Variants in IPP observed in about 807,000 individuals in gnomAD.
IPP encodes intracisternal A particle-promoted polypeptide, also known as actin-binding protein IPP.
Under a neutral mutation model 64.1 loss-of-function variants are expected in IPP, and 41 were observed. That is an observed-to-expected ratio of 0.64 (90% confidence interval 0.50 to 0.83). The LOEUF (loss-of-function observed/expected upper bound fraction) is 0.83, where lower values mean the gene tolerates loss of function less well. Ranked by LOEUF, IPP falls within the 40% of genes least tolerant of loss-of-function variation. The pLI is 0.00. For missense variants in IPP, 649 were observed against 703.0 expected (o/e 0.92, Z 0.87); for synonymous variants, 214 against 235.2 (o/e 0.91, Z 0.83).
rs184273635 is a variant in IPP at position 45,742,755 on chromosome 1, C to A, written c.293-1423G>T. Reference sequence around the variant, plus strand: ...GTTTTGCCGCATTGCCCAGGCTGATCTCAAACTCCTGGGCTCAAGCAATCC... The same window carrying A: ...GTTTTGCCGCATTGCCCAGGCTGATATCAAACTCCTGGGCTCAAGCAATCC... On this transcript the variant is annotated intron_variant, in intron 2 of 8. Transcript: ENST00000396478. Among the ~76,000 whole-genome samples, 4 of 151,964 alleles carry A rather than the reference C, an allele frequency of 2.6e-5. No individual in the cohort carries two copies. The East Asian group carries it at 7.7e-4, about 29-fold the overall frequency.
intron 3 of IPP, among the ~76,000 whole-genome samples, chr1:45,734,941 A>G (rs563595446): frequency 6.6e-6 from 1 of 152,252 alleles, no homozygotes; most frequent in African/African-American, 2.4e-5. Flanking sequence ...CACCACACCC[A>G]GCTAATTTTT....
chr1:45,749,583 C>T (rs1486151594), intron 1 of IPP, among the ~76,000 whole-genome samples: 3 of 145,930 alleles, frequency 2.1e-5, no homozygotes, highest in Admixed American at 1.4e-4. Context: ...TGCAGTGGCA[C>T]GATCTCGGCT....
intron 3 of IPP, among the ~76,000 whole-genome samples, chr1:45,738,785 A>G (rs1023810074): frequency 7.1e-6 from 1 of 141,792 alleles, no homozygotes; most frequent in South Asian, 2.3e-4. Context: ...GCTTGCAGTG[A>G]GCCGAGATTG....
In IPP at chr1:45,710,224, T is replaced by TA. The variant is rs1209349898; in HGVS notation, c.1530+4021dup. Among the ~76,000 whole-genome samples the TA allele has an allele frequency of 1.6e-3, 99 of 63,706 alleles. 1 individual carries two copies. The highest frequency in any genetic ancestry group is 3.5e-3 in the African/African-American group (56 of 15,794). The allele number at this position is 63,706 out of a possible 152,430, so 41.8% of individuals were successfully genotyped here. ...TGGCGAAAGAGAGCAAGACTCTGTC[T>TA]AAAAAAAAAAAAAAAAAGAGAGAAG... On this transcript the variant is annotated intron_variant, in intron 8 of 8. Transcript: ENST00000396478.
In IPP at chr1:45,747,689, G is replaced by A. The variant is rs147251418; in HGVS notation, c.-50-1228C>T. ...CTAAAAATATAAAAATTAGCCAGGCGTGGTGGATCAGGGCTATAATCCCAG... is the reference window on the plus strand; with the variant it reads ...CTAAAAATATAAAAATTAGCCAGGCATGGTGGATCAGGGCTATAATCCCAG... On this transcript the variant is annotated intron_variant, in intron 1 of 8. Coordinates refer to ENST00000396478, the MANE Select transcript of IPP (RefSeq NM_005897.3). Among the ~76,000 whole-genome samples the A allele has an allele frequency of 1.4e-3, 220 of 151,848 alleles. 1 individual carries two copies. The highest frequency in any genetic ancestry group is 0.01 in the Middle Eastern group (3 of 294).
intron 2 of IPP, among the ~76,000 whole-genome samples, chr1:45,745,068 A>T (rs902462833): frequency 5.3e-5 from 8 of 151,642 alleles, no homozygotes; most frequent in Non-Finnish European, 8.8e-5. Context: ...CTCAAACAAA[A>T]TTTTTTTTGT....
At position 45,746,374 on chromosome 1, in the gene IPP, G is replaced by C; in HGVS notation, c.38C>G (p.Pro13Arg). 1 of 1,613,788 alleles carries C rather than the reference G, an allele frequency of 6.2e-7. No individual in the cohort carries two copies. Among genetic ancestry groups the C allele is most frequent in the Non-Finnish European group, 8.5e-7 (1 of 1,179,720 alleles). The change falls in exon 2 of 9, where the codon CCT becomes CGT. Residue 13 changes from proline to arginine, a missense_variant. Coordinates refer to ENST00000396478, the MANE Select transcript of IPP (RefSeq NM_005897.3). ...TTGGGCATGTTTATCTGATGAAAAAGGACTATCAGCAGCCTTGGGACAGTC... is the reference window on the plus strand; with the variant it reads ...TTGGGCATGTTTATCTGATGAAAAACGACTATCAGCAGCCTTGGGACAGTC... ...NEDCPKAADS[P>R]FSSDKHAQLI...
Position 45,719,246 on chromosome 1 carries a change from G to A in IPP, c.1143C>T (p.Cys381=), listed in dbSNP as rs748855020. 16 of 1,613,592 alleles carry A rather than the reference G, an allele frequency of 9.9e-6. No individual in the cohort carries two copies. Among genetic ancestry groups the A allele is most frequent in the South Asian group, 3.3e-5 (3 of 91,052 alleles). Residue 381 remains cysteine, a synonymous_variant, in exon 6 of 9, where the codon TGC becomes TGT. Transcript: ENST00000396478. ...CATAACACACACACACTCCTAAGCCGCAGCGGGGATGATTCATCGAAGCTA... is the reference window on the plus strand; with the variant it reads ...CATAACACACACACACTCCTAAGCCACAGCGGGGATGATTCATCGAAGCTA... The part of the protein sequence containing the change: ...TTVASMNHPR[C]GLGVCVCYGA...
rs1645422404 is a variant in IPP at position 45,699,798 on chromosome 1, G to A, written c.*168C>T. On this transcript the variant is annotated 3_prime_UTR_variant, in exon 9 of 9. Transcript: ENST00000396478. ...CTGCCTCAGCCTTCCAAAGTGCTGG[G>A]ATTATAGGCATGAGGCCACTGCGCC... is the stretch of plus-strand genomic sequence containing the variant. 2.8e-6 allele frequency: 4 copies of A among 1,425,274 alleles called. No homozygotes were observed. The highest frequency in any genetic ancestry group is 3.7e-6 in the Non-Finnish European group (4 of 1,091,504). The allele number at this position is 1,425,274 out of a possible 1,614,324, so 88.3% of individuals were successfully genotyped here.
intron 4 of IPP, 94 bp from the exon 5 acceptor site, chr1:45,727,892 G>A (rs748170824): frequency 2.7e-5 from 25 of 937,124 alleles, no homozygotes; most frequent in Non-Finnish European, 3.1e-5. Flanking sequence ...AAATGGTTTA[G>A]AAATTACTTT....
downstream of IPP, chr1:45,697,805 A>C (rs9429173): frequency 0.2 from 29,406 of 150,610 alleles, 3,229 homozygotes; most frequent in Non-Finnish European, 0.25. Flanking sequence ...AAAGATACAA[A>C]AAATTAGCCA....
chr1:45,728,456 ATATAT>A (rs1246965861), intron 4 of IPP, among the ~76,000 whole-genome samples: 1 of 151,878 alleles, frequency 6.6e-6, no homozygotes, highest in African/African-American at 2.4e-5. Flanking sequence ...TCAATATGCT[ATATAT>A]TATATGTATT....
intron 8 of IPP, 116 bp from the exon 9 acceptor site, chr1:45,700,306 A>G: frequency 3.7e-6 from 5 of 1,368,716 alleles, no homozygotes; most frequent in Non-Finnish European, 4.8e-6. Flanking sequence ...AAAACTATCT[A>G]GTCAGGTAAG....
intron 2 of IPP, among the ~76,000 whole-genome samples, chr1:45,745,360 T>G (rs894969573): frequency 5.9e-5 from 9 of 152,202 alleles, no homozygotes; most frequent in Admixed American, 1.3e-4. Context: ...ACATATAAGT[T>G]TTTTTGGGTT....
chr1:45,711,658 G>A (rs931410535), intron 8 of IPP, among the ~76,000 whole-genome samples: 2 of 151,672 alleles, frequency 1.3e-5, no homozygotes, highest in Non-Finnish European at 2.9e-5. Flanking sequence ...GGTGGTTGAG[G>A]CACAAGAATC....
intron 5 of IPP, among the ~76,000 whole-genome samples, chr1:45,722,464 G>A (rs1645746517): frequency 6.6e-6 from 1 of 152,042 alleles, no homozygotes; most frequent in Non-Finnish European, 1.5e-5. Flanking sequence ...GGCATCACTT[G>A]AATCCAGGAG....
intron 6 of IPP, among the ~76,000 whole-genome samples, chr1:45,718,602 C>T (rs1054178191): frequency 6.6e-6 from 1 of 152,150 alleles, no homozygotes; most frequent in Non-Finnish European, 1.5e-5. Context: ...CCCCCACCTA[C>T]ACCTTCCCCT....
chr1:45,714,472 A>T lies in IPP; in HGVS notation c.1310-6T>A. On this transcript the variant is annotated splice_region_variant and splice_polypyrimidine_tract_variant and intron_variant, in intron 7 of 8. Transcript: ENST00000396478. ...CCCAATTACATAAATTAAACCTGGA[A>T]GTGGAATATTTTTGCTCAGATGCTA... 1 of 1,578,968 alleles carries T rather than the reference A, an allele frequency of 6.3e-7. No homozygotes were observed. Among genetic ancestry groups the T allele is most frequent in the Non-Finnish European group, 8.7e-7 (1 of 1,148,016 alleles).
At chr1:45,696,785 CAA>C (rs1252389556), downstream of IPP, 1 of 152,064 alleles carries the variant, frequency 6.6e-6, no homozygotes, top group African/African-American at 2.4e-5. Flanking sequence ...CATCTCAAAA[CAA>C]AAACAAAAAC....
Sources: gnomAD v4.1 joint callset for allele counts (sites outside exome capture counted in the v4.1 genomes callset) on GRCh38, gnomAD v4.1.1 for gene constraint, MANE v1.5 for transcripts, NCBI Gene and HGNC (gene_info 2026-07-23, HGNC 2026-07-21) for gene names.